SPICE1: variants seen among roughly 807,000 people sequenced by gnomAD.
SPICE1 encodes the protein spindle and centriole associated protein 1.
A neutral mutation model predicts 102.7 loss-of-function variants in SPICE1; 75 were observed. The observed-to-expected ratio is 0.73, with a 90% confidence interval of 0.61 to 0.88. The LOEUF (loss-of-function observed/expected upper bound fraction) is 0.88, where lower values mean the gene tolerates loss of function less well. Ranked by LOEUF, SPICE1 falls within the 40% of genes least tolerant of loss-of-function variation. The pLI is 0.00. For missense variants in SPICE1, 979 were observed against 1,020.1 expected, an observed-to-expected ratio of 0.96 and a Z score of 0.55; for synonymous variants, 308 against 350.3, an observed-to-expected ratio of 0.88 and a Z score of 1.35.
At chr3:113,500,610 G>GA (rs1384925282) in intron 3 of SPICE1, among the ~76,000 whole-genome samples, 2 of 151,946 alleles carry the variant, frequency 1.3e-5, no homozygotes, top group Non-Finnish European at 2.9e-5. Context: ...ATATTTCAGA[G>GA]AAAAAAGAAA....
chr3:113,474,174 T>C (rs1936279573), intron 7 of SPICE1, among the ~76,000 whole-genome samples: 1 of 150,814 alleles, frequency 6.6e-6, no homozygotes, highest in Non-Finnish European at 1.5e-5. Context: ...CCAACAAAGA[T>C]CAAAAGAGAC....
chr3:113,511,919 A>T (rs1452619064), intron 1 of SPICE1, among the ~76,000 whole-genome samples: 3 of 152,188 alleles, frequency 2.0e-5, no homozygotes, highest in Non-Finnish European at 4.4e-5. Flanking sequence ...TGTAAAGCAC[A>T]TGCTGGAAAA....
chr3:113,507,718 G>A (rs768184678), intron 1 of SPICE1, among the ~76,000 whole-genome samples: 1 of 152,124 alleles, frequency 6.6e-6, no homozygotes, highest in Non-Finnish European at 1.5e-5. Flanking sequence ...TGATAGCCAC[G>A]GTGGTAATGA....
At chr3:113,454,376 C>T (rs1409272445) in intron 13 of SPICE1, among the ~76,000 whole-genome samples, 1 of 151,970 alleles carries the variant, frequency 6.6e-6, no homozygotes, top group Non-Finnish European at 1.5e-5. Flanking sequence ...AAAATGACTG[C>T]CTTTAGGGGT....
chr3:113,482,538 T>C (rs1936536099), intron 7 of SPICE1, among the ~76,000 whole-genome samples: 1 of 152,242 alleles, frequency 6.6e-6, no homozygotes, highest in South Asian at 2.1e-4. Context: ...TTTTTATGGT[T>C]TCAGGTCTTA....
At chr3:113,514,127 G>C (rs559866634) in intron 1 of SPICE1, among the ~76,000 whole-genome samples, 1 of 152,334 alleles carries the variant, frequency 6.6e-6, no homozygotes, top group Non-Finnish European at 1.5e-5. Flanking sequence ...TTTACGAAGA[G>C]TTTGAGAAGT....
chr3:113,499,283 ACCACTC>A, intron 4 of SPICE1, 150 bp downstream of exon 4: 1 of 712,632 alleles, frequency 1.4e-6, no homozygotes, highest in Non-Finnish European at 2.1e-6. Flanking sequence ...GACTCCAGTC[ACCACTC>A]TGTTGCTTTT....
chr3:113,509,597 G>A (rs9808893), intron 1 of SPICE1, among the ~76,000 whole-genome samples: 32,077 of 152,088 alleles, frequency 0.21, 3,683 homozygotes, highest in African/African-American at 0.3. Flanking sequence ...ATAGTATAAA[G>A]GCTAAGAATA....
At chr3:113,487,120 T>A (rs1164291241) in intron 7 of SPICE1, among the ~76,000 whole-genome samples, 2 of 152,040 alleles carry the variant, frequency 1.3e-5, no homozygotes, top group Non-Finnish European at 2.9e-5. Context: ...TACAATAACC[T>A]TTTAGAAATC....
rs972093762 is a variant in SPICE1, at chr3:113,479,396, T to G, written c.611+9549A>C. ...ATCATTGTTGGACATTTGGGTTGGT[T>G]CCAAGTCTTTGCTATTGTGAATAGT... On this transcript the variant is annotated intron_variant, in intron 7 of 17. Coordinates refer to ENST00000295872, the MANE Select transcript of SPICE1 (RefSeq NM_144718.4). Among the ~76,000 whole-genome samples, 13 of 152,008 alleles carry G rather than the reference T, an allele frequency of 8.6e-5. 1 individual carries two copies. Among genetic ancestry groups the G allele is most frequent in the Admixed American group, 7.9e-4 (12 of 15,258 alleles).
chr3:113,508,582 G>A (rs940794869), intron 1 of SPICE1, among the ~76,000 whole-genome samples: 3 of 152,162 alleles, frequency 2.0e-5, no homozygotes, highest in African/African-American at 7.2e-5. Context: ...CGACTAGGAT[G>A]GCTATAATCA....
chr3:113,513,030 T>A (rs1395781106), intron 1 of SPICE1, among the ~76,000 whole-genome samples: 1 of 152,158 alleles, frequency 6.6e-6, no homozygotes, highest in Non-Finnish European at 1.5e-5. Flanking sequence ...CTCAGTGACC[T>A]CACCAACTCC....
At chr3:113,477,847 TA>T (rs1380609069) in intron 7 of SPICE1, among the ~76,000 whole-genome samples, 5 of 151,128 alleles carry the variant, frequency 3.3e-5, no homozygotes, top group Non-Finnish European at 5.9e-5. Flanking sequence ...AATGACAAGT[TA>T]ATGGGTGCAG....
At chr3:113,469,757 C>T (rs1053154268) in intron 7 of SPICE1, among the ~76,000 whole-genome samples, 1 of 152,140 alleles carries the variant, frequency 6.6e-6, no homozygotes. Flanking sequence ...CTCCCAGTTT[C>T]CTACCTACCT....
At chr3:113,492,782 A>T (rs1936794053) in intron 6 of SPICE1, among the ~76,000 whole-genome samples, 1 of 151,818 alleles carries the variant, frequency 6.6e-6, no homozygotes, top group East Asian at 1.9e-4. Context: ...GCTCAAGAAC[A>T]AACAGCTAGT....
At chr3:113,506,435 GACTAGGGCCATATC>G in intron 2 of SPICE1, 58 bp downstream of exon 2, 1 of 1,219,746 alleles carries the variant, frequency 8.2e-7, no homozygotes, top group Non-Finnish European at 1.2e-6. Context: ...CATCTTGCAT[GACTAGGGCCATATC>G]ACTGTGTCCA....
intron 9 of SPICE1, 24 bp downstream of exon 9, chr3:113,468,738 T>C (rs375448706): frequency 7.5e-6 from 12 of 1,601,528 alleles, no homozygotes; most frequent in Admixed American, 7.1e-5. Flanking sequence ...TTAATATTCA[T>C]CTTTGTAAAT....
intron 2 of SPICE1, among the ~76,000 whole-genome samples, chr3:113,504,515 T>C (rs13082603): frequency 0.26 from 37,076 of 141,524 alleles, 4,985 homozygotes; most frequent in African/African-American, 0.36. Flanking sequence ...CAGGAAGATC[T>C]CATCATGAGC....
intron 11 of SPICE1, among the ~76,000 whole-genome samples, chr3:113,461,562 G>C (rs988203862): frequency 2.6e-5 from 4 of 152,026 alleles, no homozygotes; most frequent in African/African-American, 4.8e-5. Flanking sequence ...AAAAACATCA[G>C]GTTTGATCAC....
Sources: gnomAD v4.1 joint callset for allele counts (sites outside exome capture counted in the v4.1 genomes callset) on GRCh38, gnomAD v4.1.1 for gene constraint, MANE v1.5 for transcripts, NCBI Gene and HGNC (gene_info 2026-07-23, HGNC 2026-07-21) for gene names.